Variants in ANKRD17 observed in about 807,000 individuals in gnomAD.
The protein encoded by ANKRD17 is ankyrin repeat domain-containing protein 17.
A neutral mutation model predicts 229.7 loss-of-function variants in ANKRD17; 19 were observed. The observed-to-expected ratio is 0.08, with a 90% CI of 0.06 to 0.12. The LOEUF is 0.12. Ranked by LOEUF, ANKRD17 falls within the 10% of genes least tolerant of loss-of-function variation. ANKRD17 has a pLI of 1.00. For synonymous variants in ANKRD17, 1,112 were observed against 1,146.1 expected (o/e 0.97, Z 0.60); for missense variants, 2,176 against 3,176.8 (o/e 0.68, Z 7.57).
At chr4:73,158,152 A>AAAGAAAGAAAGAAAGAAAGAAAGAAAG (rs1731954360) in intron 3 of ANKRD17, among the ~76,000 whole-genome samples, 8 of 128,708 alleles carry the variant, frequency 6.2e-5, no homozygotes, top group Admixed American at 8.3e-5. Flanking sequence ...GAAAGGAAGA[A>AAAGAAAGAAAGAAAGAAAGAAAGAAAG]AAAGAAAGAA....
intron 21 of ANKRD17, among the ~76,000 whole-genome samples, chr4:73,119,146 C>A (rs1393240068): frequency 9.9e-5 from 15 of 152,034 alleles, no homozygotes; most frequent in Non-Finnish European, 2.2e-4. Flanking sequence ...CTCAACCTCT[C>A]AAAGTGCTGG....
chr4:73,139,927 G>C lies in ANKRD17; in HGVS notation c.2689C>G (p.Gln897Glu). Reference protein sequence around the residue: ...QYLEVKAQRIQLQQQQQQSCQ... With the variant: ...QYLEVKAQRIELQQQQQQSCQ... Reference sequence around the variant, plus strand: ...GACTGTTGCTGCTGTTGCTGAAGTTGAATTCTTTGAGCTTTAACCTCTAGA... The same window carrying C: ...GACTGTTGCTGCTGTTGCTGAAGTTCAATTCTTTGAGCTTTAACCTCTAGA... Residue 897 changes from glutamine (Q) to glutamate (E), a missense_variant, in exon 15 of 34, where the codon CAA becomes GAA. Physicochemically the swap from Gln to Glu is conservative, Grantham distance 29 (BLOSUM62 2). This residue lies in a region of ANKRD17 where 230 missense variants were observed against 252.3 expected (regional missense o/e 0.91). Coordinates refer to ENST00000358602, the MANE Select transcript of ANKRD17 (RefSeq NM_032217.5). 6.2e-7 allele frequency: 1 copy of C among 1,614,196 alleles called. No homozygotes were observed. The highest frequency in any genetic ancestry group is 8.5e-7 in the Non-Finnish European group (1 of 1,180,046).
intron 31 of ANKRD17, among the ~76,000 whole-genome samples, chr4:73,078,194 CG>C (rs1721192897): frequency 6.6e-6 from 1 of 152,006 alleles, no homozygotes; most frequent in South Asian, 2.1e-4. Flanking sequence ...CTGGCTAACA[CG>C]GTGAAACCCC....
chr4:73,255,969 G>A (rs1293116870), intron 1 of ANKRD17, among the ~76,000 whole-genome samples: 4 of 152,134 alleles, frequency 2.6e-5, no homozygotes, highest in Admixed American at 1.3e-4. Flanking sequence ...CAGGTGATCC[G>A]CCCGCCTCGG....
At chr4:73,100,851 CAT>C (rs1578047921) in intron 25 of ANKRD17, 2 of 985,028 alleles carry the variant, frequency 2.0e-6, no homozygotes, top group East Asian at 1.1e-4. Flanking sequence ...CACACACACA[CAT>C]ACACACATTG....
At chr4:73,174,728 C>A (rs1298842656) in intron 2 of ANKRD17, among the ~76,000 whole-genome samples, 1 of 152,196 alleles carries the variant, frequency 6.6e-6, no homozygotes, top group South Asian at 2.1e-4. Flanking sequence ...AGCAAAGTTG[C>A]AGGAAACAAA....
chr4:73,159,799 T>C (rs1732251238), intron 3 of ANKRD17, among the ~76,000 whole-genome samples: 2 of 152,140 alleles, frequency 1.3e-5, no homozygotes, highest in African/African-American at 4.8e-5. Context: ...TACTATGGAA[T>C]AGAAACCGAG....
intron 1 of ANKRD17, among the ~76,000 whole-genome samples, chr4:73,218,534 T>C (rs935088221): frequency 1.3e-5 from 2 of 148,742 alleles, no homozygotes; most frequent in Admixed American, 1.4e-4. Flanking sequence ...TCCCAGCTAC[T>C]CCAGAGGCTG....
intron 1 of ANKRD17, among the ~76,000 whole-genome samples, chr4:73,254,109 G>A (rs1389486664): frequency 6.6e-6 from 1 of 152,086 alleles, no homozygotes; most frequent in Non-Finnish European, 1.5e-5. Context: ...GCTAATCTAG[G>A]ATTCTAAGCA....
chr4:73,249,530 T>C (rs531417990), intron 1 of ANKRD17, among the ~76,000 whole-genome samples: 1 of 152,350 alleles, frequency 6.6e-6, no homozygotes, highest in East Asian at 1.9e-4. Context: ...ATAAGTCAGT[T>C]TGAGTATGAA....
chr4:73,195,873 T>C (rs1393904839), intron 1 of ANKRD17, among the ~76,000 whole-genome samples: 1 of 152,100 alleles, frequency 6.6e-6, no homozygotes, highest in Non-Finnish European at 1.5e-5. Context: ...AGCCTTTTAG[T>C]GTATATGGGT....
At chr4:73,101,213 C>T in intron 25 of ANKRD17, 3 of 976,908 alleles carry the variant, frequency 3.1e-6, no homozygotes, top group Non-Finnish European at 3.6e-6. Flanking sequence ...ACTTCCATCC[C>T]AAATAACCTT....
At chr4:73,199,188 T>C (rs1334525296) in intron 1 of ANKRD17, among the ~76,000 whole-genome samples, 2 of 151,236 alleles carry the variant, frequency 1.3e-5, no homozygotes, top group African/African-American at 2.4e-5. Context: ...TCAGAACTGC[T>C]ACCCTAACAG....
At chr4:73,247,848 A>G (rs557368212) in intron 1 of ANKRD17, among the ~76,000 whole-genome samples, 8 of 152,128 alleles carry the variant, frequency 5.3e-5, no homozygotes, top group Admixed American at 4.6e-4. Flanking sequence ...CAACATAACA[A>G]GGAAAAAGAA....
rs143812968 is a variant in ANKRD17 at position 73,182,051 on chromosome 4, C to CAAAA, written c.394-4522_394-4519dup. On this transcript the variant is annotated intron_variant, in intron 1 of 33. Transcript: ENST00000358602. ...CGACAGAGCAAGACTCCGTCCCCAC[C>CAAAA]AAAAAAAAAAAAAAAAAAAAAAAAA... Among the ~76,000 whole-genome samples, 28 of 43,260 alleles carry CAAAA rather than the reference C, an allele frequency of 6.5e-4. 1 individual carries two copies. The highest frequency in any genetic ancestry group is 8.7e-4 in the Non-Finnish European group (24 of 27,448). 28.4% of individuals were successfully genotyped at this position (43,260 alleles called of 152,430 possible).
chr4:73,154,150 A>G (rs1462003211), intron 5 of ANKRD17, 37 bp from the exon 6 acceptor site: 1 of 1,399,714 alleles, frequency 7.1e-7, no homozygotes, highest in Admixed American at 2.5e-5. Flanking sequence ...ACATTAACAT[A>G]AAATACCAAA....
rs1046254375 is a variant in ANKRD17, at chr4:73,098,479, T to C, written c.4615A>G (p.Thr1539Ala). 1.9e-6 allele frequency: 3 copies of C among 1,613,660 alleles called. No homozygotes were observed. Among genetic ancestry groups the C allele is most frequent in the Non-Finnish European group, 2.5e-6 (3 of 1,179,978 alleles). The stretch of plus-strand genomic sequence containing the variant: ...GTTGCAGATATACCTATGGTAGTAG[T>C]GGTTGTGGCACTTGGAGGTTCTGTC... ...VLTEPPSATT[T>A]TTIGISATWT... is the part of the protein sequence containing the mutation. The change falls in exon 26 of 34, where the codon ACT (threonine) becomes GCT (alanine). Residue 1539 changes from threonine (T) to alanine (A), a missense_variant. Physicochemically the swap from Thr to Ala is moderately conservative, Grantham distance 58. This residue lies in a region of ANKRD17 where 105 missense variants were observed against 118.3 expected (regional missense o/e 0.89). Coordinates refer to ENST00000358602, the MANE Select transcript of ANKRD17 (RefSeq NM_032217.5).
intron 16 of ANKRD17, among the ~76,000 whole-genome samples, chr4:73,127,008 A>G (rs756598790): frequency 1.7e-4 from 26 of 152,264 alleles, no homozygotes; most frequent in Non-Finnish European, 3.1e-4. Flanking sequence ...TTTAAATGTA[A>G]TAACTGATAT....
At chr4:73,258,238 T>TCC (rs1480617535) in intron 1 of ANKRD17, 38 bp downstream of exon 1, 3 of 1,612,884 alleles carry the variant, frequency 1.9e-6, no homozygotes, top group Non-Finnish European at 2.5e-6. Flanking sequence ...TCCCTTACAG[T>TCC]CCCTTCCTCC....
Sources: allele counts gnomAD v4.1 joint callset (sites outside exome capture counted in the v4.1 genomes callset), GRCh38; gene constraint gnomAD v4.1.1; regional missense constraint gnomAD v4.1.1; transcripts MANE v1.5; gene names NCBI Gene and HGNC (gene_info 2026-07-23, HGNC 2026-07-21).